Variants in PKHD1 observed in about 807,000 individuals in gnomAD.
The protein encoded by PKHD1 is fibrocystin.
A neutral mutation model predicts 412.0 loss-of-function variants in PKHD1; 291 were observed. The observed-to-expected ratio is 0.71, with a 90% CI of 0.64 to 0.78. The LOEUF is 0.78. Ranked by LOEUF, PKHD1 falls within the 30% of genes least tolerant of loss-of-function variation. PKHD1 has a pLI of 0.00. For missense variants in PKHD1, 4,825 were observed against 4,950.7 expected (o/e 0.97, Z 0.76); for synonymous variants, 1,777 against 1,821.5 (o/e 0.98, Z 0.62).
intron 35 of PKHD1, among the ~76,000 whole-genome samples, chr6:51,968,316 G>A (rs1793148835): frequency 6.6e-6 from 1 of 152,138 alleles, no homozygotes; most frequent in Admixed American, 6.5e-5. Context: ...ACTTTGTAGT[G>A]AACAATCAAT....
intron 49 of PKHD1, among the ~76,000 whole-genome samples, chr6:51,855,170 C>G (rs1294077777): frequency 6.6e-6 from 1 of 152,240 alleles, no homozygotes; most frequent in Non-Finnish European, 1.5e-5. Context: ...AGTTCCTTTT[C>G]CCCGTGTGGC....
intron 19 of PKHD1, among the ~76,000 whole-genome samples, chr6:52,054,379 T>C (rs1166264518): frequency 6.6e-6 from 1 of 152,156 alleles, no homozygotes; most frequent in Non-Finnish European, 1.5e-5. Context: ...AAAAATACAA[T>C]AAATACTTTT....
chr6:51,883,342 G>A (rs768600297), intron 45 of PKHD1, 115 bp from the exon 46 acceptor site: 45 of 959,068 alleles, frequency 4.7e-5, no homozygotes, highest in Non-Finnish European at 7.1e-5. Flanking sequence ...TTGTATTAAA[G>A]CACCTTTTGT....
intron 28 of PKHD1, among the ~76,000 whole-genome samples, chr6:52,034,318 A>G (rs1803583405): frequency 6.9e-6 from 1 of 145,668 alleles, no homozygotes; most frequent in Non-Finnish European, 1.5e-5. Context: ...GAAAGAATTA[A>G]AAGTTGTTTC....
chr6:51,618,765 T>A lies in PKHD1; in HGVS notation c.*316A>T, dbSNP rs1766260879. 2.5e-6 allele frequency: 1 copy of A among 394,676 alleles called. No individual in the cohort carries two copies. 24.4% of individuals were successfully genotyped at this position (394,676 alleles called of 1,614,324 possible). A position where few individuals can be genotyped will look rare whatever the true frequency, so the allele number is the denominator to read the frequency against. ...GAGAATGCTTAATAATAACCCCTGC[T>A]GGTATAAGTCAGTATTACACCATTA... On this transcript the variant is annotated 3_prime_UTR_variant, in exon 67 of 67. Coordinates refer to ENST00000371117, the MANE Select transcript of PKHD1 (RefSeq NM_138694.4).
intron 21 of PKHD1, among the ~76,000 whole-genome samples, chr6:52,052,358 C>T (rs554681308): frequency 1.3e-4 from 20 of 152,240 alleles, no homozygotes; most frequent in African/African-American, 4.3e-4. Flanking sequence ...CTAAGACTAG[C>T]GGGCAAGAGC....
intron 48 of PKHD1, among the ~76,000 whole-genome samples, chr6:51,860,131 A>G (rs368148534): frequency 4.9e-4 from 75 of 152,342 alleles, no homozygotes; most frequent in African/African-American, 1.8e-3. Flanking sequence ...CAATACAGGT[A>G]GAGAAGGAGG....
At chr6:51,950,007 C>G (rs1200891068) in intron 36 of PKHD1, among the ~76,000 whole-genome samples, 1 of 151,792 alleles carries the variant, frequency 6.6e-6, no homozygotes, top group East Asian at 1.9e-4. Flanking sequence ...AAAAAACATG[C>G]TTATTGCAAT....
chr6:51,701,438 G>T (rs968328038), intron 60 of PKHD1, among the ~76,000 whole-genome samples: 2 of 152,008 alleles, frequency 1.3e-5, no homozygotes, highest in African/African-American at 4.8e-5. Context: ...ATTTATTTCT[G>T]AGCATATTCC....
chr6:51,837,731 A>G (rs570737608), intron 50 of PKHD1, among the ~76,000 whole-genome samples: 1 of 152,256 alleles, frequency 6.6e-6, no homozygotes, highest in African/African-American at 2.4e-5. Flanking sequence ...ATGAAAAATA[A>G]AAATAAAATA....
chr6:51,989,959 A>AAGGAAG (rs1796811654), intron 35 of PKHD1, among the ~76,000 whole-genome samples: 13 of 36,542 alleles, frequency 3.6e-4, no homozygotes, highest in African/African-American at 1.4e-3. Flanking sequence ...AAGGAAGGAA[A>AAGGAAG]GAAGGAAGGA....
chr6:52,050,265 G>A lies in PKHD1; in HGVS notation c.2171C>T (p.Pro724Leu), dbSNP rs1229139298. Residue 724 changes from proline to leucine, a missense_variant, in exon 22 of 67, where the codon CCA (proline) becomes CTA (leucine). Coordinates refer to ENST00000371117, the MANE Select transcript of PKHD1 (RefSeq NM_138694.4). ...VSQADSGTARPGGNLVESVSV... is the reference protein window; with the variant it reads ...VSQADSGTARLGGNLVESVSV... ...GACTGATTCCACCAGATTGCCCCCT[G>A]GGCGAGCCGTTCCAGAATCAGCTTG... The A allele has an allele frequency of 6.2e-7, 1 of 1,614,116 alleles. No individual in the cohort carries two copies. Among genetic ancestry groups the A allele is most frequent in the East Asian group, 2.2e-5 (1 of 44,876 alleles).
At position 51,750,326 on chromosome 6, in the gene PKHD1, C is replaced by T. The variant is rs1351248407; in HGVS notation, c.8951-1661G>A. On this transcript the variant is annotated intron_variant, in intron 57 of 66. Coordinates refer to ENST00000371117, the MANE Select transcript of PKHD1 (RefSeq NM_138694.4). ...CACCAATAGCACATAGCTGAAAGAG[C>T]TGGCAAACCTGCTTCGTAGAACTTT... Among the ~76,000 whole-genome samples the T allele has an allele frequency of 3.9e-5, 6 of 152,306 alleles. No individual in the cohort carries two copies. In the East Asian group the frequency reaches 1.2e-3, roughly 29 times the overall value.
chr6:52,027,692 C>A (rs546333910), intron 31 of PKHD1, 137 bp downstream of exon 31: 33 of 715,138 alleles, frequency 4.6e-5, no homozygotes, highest in African/African-American at 3.9e-4. Context: ...CCCCTCAGTT[C>A]CTGGAGCCCG....
chr6:51,864,667 T>G (rs1022298016), intron 48 of PKHD1, among the ~76,000 whole-genome samples: 1 of 152,038 alleles, frequency 6.6e-6, no homozygotes, highest in Non-Finnish European at 1.5e-5. Context: ...AGTTTTAGAG[T>G]AGCCACACTA....
chr6:51,796,621 G>A (rs1036248071), intron 52 of PKHD1, among the ~76,000 whole-genome samples: 5 of 151,890 alleles, frequency 3.3e-5, no homozygotes, highest in African/African-American at 1.2e-4. Context: ...CTAGCTTTTA[G>A]ATGTGGGCAT....
intron 60 of PKHD1, among the ~76,000 whole-genome samples, chr6:51,743,662 T>C (rs1784838688): frequency 6.6e-6 from 1 of 152,088 alleles, no homozygotes; most frequent in African/African-American, 2.4e-5. Context: ...CATTCAAAAA[T>C]TTAAAAGGAC....
Position 51,856,004 on chromosome 6 carries a change from G to C in PKHD1, c.7800C>G (p.Val2600=), listed in dbSNP as rs1469187621. The change falls in exon 49 of 67, where the codon GTC becomes GTG. Residue 2600 remains valine, a synonymous_variant. Coordinates refer to ENST00000371117, the MANE Select transcript of PKHD1 (RefSeq NM_138694.4). Reference sequence around the variant, plus strand: ...TAGACAATGTATCACGTACATAATTGACAGTGGTTGTTTTATTTCTGCTGT... The same window carrying C: ...TAGACAATGTATCACGTACATAATTCACAGTGGTTGTTTTATTTCTGCTGT... ...MTDSRNKTTT[V]NYVRDTLSNP... The C allele has an allele frequency of 1.2e-6, 2 of 1,608,140 alleles. No individual in the cohort carries two copies.
chr6:51,677,797 GAGA>G (rs996962549), intron 60 of PKHD1, among the ~76,000 whole-genome samples: 1 of 151,872 alleles, frequency 6.6e-6, no homozygotes, highest in Non-Finnish European at 1.5e-5. Context: ...CAATATGAGA[GAGA>G]AGGTCAGATC....
Sources: gnomAD v4.1 joint callset for allele counts (sites outside exome capture counted in the v4.1 genomes callset) on GRCh38, gnomAD v4.1.1 for gene constraint, MANE v1.5 for transcripts, NCBI Gene and HGNC (gene_info 2026-07-23, HGNC 2026-07-21) for gene names.